The following LRRK1 variants were observed in gnomAD, a reference collection of about 807,000 sequenced individuals.
LRRK1 encodes the protein leucine-rich repeat serine/threonine-protein kinase 1.
Under a neutral mutation model 209.1 loss-of-function variants are expected in LRRK1, and 113 were observed. The observed-to-expected ratio is 0.54, with a 90% CI of 0.46 to 0.63. LRRK1 has a LOEUF of 0.63. Among genes scored for constraint, LRRK1 ranks in the 30% least tolerant of loss-of-function variants. The probability of loss-of-function intolerance (pLI) is 0.00; values close to 1 mark genes in which losing one functional copy is unlikely to be tolerated. For missense variants in LRRK1, 2,284 were observed against 2,632.2 expected (o/e 0.87, Z 2.89); for synonymous variants, 1,144 against 1,099.7 (o/e 1.04, Z -0.80).
intron 21 of LRRK1, among the ~76,000 whole-genome samples, chr15:101,047,569 G>T (rs945065087): frequency 6.6e-6 from 1 of 152,240 alleles, no homozygotes; most frequent in Admixed American, 6.5e-5. Context: ...AATTCAGATG[G>T]GTGACAGGAG....
At chr15:101,038,330 C>T (rs1459208187) in intron 20 of LRRK1, among the ~76,000 whole-genome samples, 2 of 152,096 alleles carry the variant, frequency 1.3e-5, no homozygotes, top group African/African-American at 4.8e-5. Flanking sequence ...AACTTTATCA[C>T]GTAACCAAAC....
rs898500455 is a variant in LRRK1, at chr15:101,034,817, G to A, written c.2963+5585G>A. ...ACTTTTTATTCCTGATTAACTTTGG[G>A]TAAGGTTTTATATTTCTGGGAATTT... On this transcript the variant is annotated intron_variant, in intron 20 of 33. Transcript: ENST00000388948. Among the ~76,000 whole-genome samples, 8 of 151,394 alleles carry A rather than the reference G, an allele frequency of 5.3e-5. No individual in the cohort carries two copies. In the South Asian group the frequency reaches 6.3e-4, roughly 12 times the overall value.
Position 100,919,697 on chromosome 15 carries a change from G to A in LRRK1, c.-123+246G>A, listed in dbSNP as rs1369256037. On this transcript the variant is annotated intron_variant, in intron 1 of 33. Coordinates refer to ENST00000388948, the MANE Select transcript of LRRK1 (RefSeq NM_024652.6). This position sits in a 1 kb window ranked among gnomAD's most constrained non-coding sequence, Gnocchi z 5.8. Reference sequence around the variant, plus strand: ...GTCCCCGCTGCCTCCCGCCGCGCCCGGAGCCCAGCCAGCCTGTGGGAGGGG... The same window carrying A: ...GTCCCCGCTGCCTCCCGCCGCGCCCAGAGCCCAGCCAGCCTGTGGGAGGGG... 6.6e-6 allele frequency among the ~76,000 whole-genome samples: 1 copy of A among 151,990 alleles called. No homozygotes were observed. Among genetic ancestry groups the A allele is most frequent in the Non-Finnish European group, 1.5e-5 (1 of 67,940 alleles).
Position 101,056,842 on chromosome 15 carries a change from T to C in LRRK1, c.4333-14T>C. The C allele has an allele frequency of 6.3e-7, 1 of 1,576,072 alleles. No homozygotes were observed. Among genetic ancestry groups the C allele is most frequent in the Non-Finnish European group, 8.6e-7 (1 of 1,158,982 alleles). ...GCCCAGGCAGCGACCTGACTTGGCT[T>C]GTTCTGTGCCCAGGTAGATATGTTC... On this transcript the variant is annotated splice_polypyrimidine_tract_variant and intron_variant, in intron 27 of 33. Coordinates refer to ENST00000388948, the MANE Select transcript of LRRK1 (RefSeq NM_024652.6).
intron 10 of LRRK1, among the ~76,000 whole-genome samples, chr15:101,012,843 G>A (rs942449985): frequency 6.6e-6 from 1 of 152,212 alleles, no homozygotes; most frequent in East Asian, 1.9e-4. Context: ...GGCAAAGCCA[G>A]GGACCCAGGG....
intron 15 of LRRK1, among the ~76,000 whole-genome samples, chr15:101,023,768 A>G (rs74040250): frequency 0.078 from 11,948 of 152,220 alleles, 1,582 homozygotes; most frequent in African/African-American, 0.27. Context: ...TTCTAACACG[A>G]ACTTGGAAGC....
intron 3 of LRRK1, among the ~76,000 whole-genome samples, chr15:100,976,778 T>G (rs903847763): frequency 2.0e-5 from 3 of 152,194 alleles, no homozygotes; most frequent in Non-Finnish European, 4.4e-5. Flanking sequence ...GAAAACTGCC[T>G]AACTGTTCCA....
rs114602255 is a variant in LRRK1, at chr15:100,975,328, G to A, written c.261+1361G>A. Among the ~76,000 whole-genome samples, 1,204 of 152,352 alleles carry A rather than the reference G, an allele frequency of 7.9e-3. 17 individuals carry two copies. The highest frequency in any genetic ancestry group is 0.028 in the African/African-American group (1,147 of 41,578). On this transcript the variant is annotated intron_variant, in intron 3 of 33. Coordinates refer to ENST00000388948, the MANE Select transcript of LRRK1 (RefSeq NM_024652.6). ...TGTGGCAGCAGCAGGAGATGCTGAC[G>A]GGGGAAGATGATCATGGAGAGACCT...
chr15:100,940,151 A>ATATAGTTT (rs1310553644), intron 2 of LRRK1, among the ~76,000 whole-genome samples: 1 of 152,122 alleles, frequency 6.6e-6, no homozygotes, highest in Non-Finnish European at 1.5e-5. Flanking sequence ...AAGTTCTCTA[A>ATATAGTTT]TATAGTTTTA....
At chr15:100,988,181 G>A (rs28456352) in intron 4 of LRRK1, among the ~76,000 whole-genome samples, 1,870 of 152,258 alleles carry the variant, frequency 0.012, 41 homozygotes, top group African/African-American at 0.04. Context: ...GGGTACATAT[G>A]CAGGTTTGTT....
Position 100,989,371 on chromosome 15 carries a change from C to T in LRRK1, c.735C>T (p.Pro245=). 6.2e-7 allele frequency: 1 copy of T among 1,614,226 alleles called. No homozygotes were observed. Among genetic ancestry groups the T allele is most frequent in the Non-Finnish European group, 8.5e-7 (1 of 1,180,042 alleles). Residue 245 remains proline, a synonymous_variant, in exon 6 of 34, where the codon CCC becomes CCT. Coordinates refer to ENST00000388948, the MANE Select transcript of LRRK1 (RefSeq NM_024652.6). ...LLRKYFIEAS[P]LPSSYPGKTA... is the part of the protein sequence containing the mutation. The stretch of plus-strand genomic sequence containing the variant: ...GAAAGTACTTCATTGAAGCCAGTCC[C>T]TTGCCCAGCAGTTATCCGGGAAAAA...
At position 101,071,226 on chromosome 15, in the gene LRRK1, C is replaced by T. The variant is rs1028707288; in HGVS notation, c.*2378C>T. The T allele has an allele frequency of 2.0e-5, 3 of 152,360 alleles. No individual in the cohort carries two copies. Among genetic ancestry groups the T allele is most frequent in the Non-Finnish European group, 2.9e-5 (2 of 68,176 alleles). The allele number at this position is 152,360 out of a possible 1,614,324, so 9.4% of individuals were successfully genotyped here. A position where few individuals can be genotyped will look rare whatever the true frequency, so the allele number is the denominator to read the frequency against. ...GGGGGTGGGGGGCACCCTGAGGACC[C>T]TGTCAACATCAGCTGGACCACAGGC... On this transcript the variant is annotated 3_prime_UTR_variant, in exon 34 of 34. Coordinates refer to ENST00000388948, the MANE Select transcript of LRRK1 (RefSeq NM_024652.6).
rs1270554494 is a variant in LRRK1, at chr15:101,066,119, C to T, written c.5682C>T (p.Asp1894=). 6.2e-7 allele frequency: 1 copy of T among 1,614,004 alleles called. No homozygotes were observed. Among genetic ancestry groups the T allele is most frequent in the African/African-American group, 1.3e-5 (1 of 74,934 alleles). The change falls in exon 32 of 34, where the codon GAC becomes GAT. Residue 1894 remains aspartate (D), a synonymous_variant. Transcript: ENST00000388948. Reference sequence around the variant, plus strand: ...CTGCCTCCGACAGGTCTGAGCATGACCTGACCCCCATGGACGGGGAGACCT... The same window carrying T: ...CTGCCTCCGACAGGTCTGAGCATGATCTGACCCCCATGGACGGGGAGACCT... The part of the protein sequence containing the change: ...PGAASDRSEH[D]LTPMDGETFS...
intron 3 of LRRK1, among the ~76,000 whole-genome samples, chr15:100,978,041 C>A (rs1490905181): frequency 1.3e-5 from 2 of 151,170 alleles, no homozygotes; most frequent in African/African-American, 4.9e-5. Flanking sequence ...TGAGGAGAGC[C>A]AAATGAAAAT....
At position 101,053,353 on chromosome 15, in the gene LRRK1, G is replaced by T. The variant is rs749939298; in HGVS notation, c.3987G>T (p.Pro1329=). The T allele has an allele frequency of 1.9e-6, 3 of 1,602,638 alleles. No homozygotes were observed. Among genetic ancestry groups the T allele is most frequent in the East Asian group, 4.5e-5 (2 of 44,880 alleles). Residue 1329 remains proline, a synonymous_variant, in exon 26 of 34, where the codon CCG becomes CCT. Transcript: ENST00000388948. Reference sequence around the variant, plus strand: ...CGCTCATCGGCATCAGCATCCACCCGCTCTGCTTCGCCCTGGAGCTCGCGC... The same window carrying T: ...CGCTCATCGGCATCAGCATCCACCCTCTCTGCTTCGCCCTGGAGCTCGCGC... ...IVALIGISIH[P]LCFALELAPL...
Sources: gnomAD v4.1 joint callset for allele counts (sites outside exome capture counted in the v4.1 genomes callset) on GRCh38, gnomAD v4.1.1 for gene constraint, Gnocchi (gnomAD v3.1) non-coding constraint, MANE v1.5 for transcripts, NCBI Gene and HGNC (gene_info 2026-07-23, HGNC 2026-07-21) for gene names.